HIVEP2: variants seen among roughly 807,000 people sequenced by gnomAD.
The protein encoded by HIVEP2 is HIVEP zinc finger 2, also known as transcription factor HIVEP2.
A neutral mutation model predicts 180.7 loss-of-function variants in HIVEP2; 14 were observed. The ratio of observed to expected loss-of-function variants is 0.08; its 90% CI spans 0.05 to 0.12. HIVEP2 has a LOEUF of 0.12. Ranked by LOEUF, HIVEP2 falls within the 10% of genes least tolerant of loss-of-function variation. The pLI is 1.00. For synonymous variants in HIVEP2, 1,184 were observed against 1,136.4 expected (o/e 1.04, Z -0.84); for missense variants, 2,579 against 3,008.5 (o/e 0.86, Z 3.34).
intron 1 of HIVEP2, among the ~76,000 whole-genome samples, chr6:142,864,863 C>T (rs561800505): frequency 2.0e-5 from 3 of 152,246 alleles, no homozygotes; most frequent in African/African-American, 7.2e-5. Context: ...TATAGCCAAC[C>T]AATTCCATTA....
chr6:142,916,078 T>A (rs1777542777), intron 1 of HIVEP2, among the ~76,000 whole-genome samples: 1 of 152,162 alleles, frequency 6.6e-6, no homozygotes, highest in South Asian at 2.1e-4. Flanking sequence ...TATCTATTTC[T>A]CCTCCTGGAA....
chr6:142,826,016 C>A (rs552821059), intron 2 of HIVEP2, among the ~76,000 whole-genome samples: 1 of 152,192 alleles, frequency 6.6e-6, no homozygotes, highest in South Asian at 2.1e-4. Context: ...TCTTCATCCA[C>A]TAGTTTGCTT....
intron 1 of HIVEP2, among the ~76,000 whole-genome samples, chr6:142,942,816 A>T (rs540931803): frequency 1.5e-3 from 235 of 152,322 alleles, no homozygotes; most frequent in African/African-American, 5.6e-3. Context: ...CATCTCTAAT[A>T]AAGTTAGCCA....
chr6:142,768,352 A>T, intron 6 of HIVEP2, 30 bp downstream of exon 6: 1 of 1,601,892 alleles, frequency 6.2e-7, no homozygotes, highest in Non-Finnish European at 8.5e-7. Context: ...CTATAACTGC[A>T]CATTTTACAT....
In HIVEP2 at chr6:142,759,883, T is replaced by C. The variant is rs950938706; in HGVS notation, c.6405A>G (p.Arg2135=). Residue 2135 remains arginine (R), a synonymous_variant, in exon 9 of 10, where the codon AGA becomes AGG. Transcript: ENST00000367603. ...GCGCTCTTATTGTGGTCATGTATCT[T>C]CTCTCTCTTCTAGGAGAGAGGTCTC... ...ARRDLSPRRE[R]RYMTTIRAPS... is the part of the protein sequence containing the mutation. 7 of 1,614,008 alleles carry C rather than the reference T, an allele frequency of 4.3e-6. No homozygotes were observed. The Admixed American group carries it at 1.2e-4, about 27-fold the overall frequency.
chr6:142,891,945 C>T (rs1186056098), intron 1 of HIVEP2, among the ~76,000 whole-genome samples: 2 of 152,042 alleles, frequency 1.3e-5, no homozygotes, highest in Non-Finnish European at 2.9e-5. Context: ...TGTTTATGTC[C>T]CATTTATTCT....
chr6:142,840,829 C>T (rs1276359938), intron 1 of HIVEP2, among the ~76,000 whole-genome samples: 5 of 152,026 alleles, frequency 3.3e-5, no homozygotes, highest in African/African-American at 7.2e-5. Context: ...ATATTGATTT[C>T]AAGAGATTGA....
chr6:142,858,250 C>G (rs1322436597), intron 1 of HIVEP2, among the ~76,000 whole-genome samples: 1 of 152,126 alleles, frequency 6.6e-6, no homozygotes, highest in African/African-American at 2.4e-5. Context: ...GAAGGCAGTG[C>G]ACACTGTAGC....
intron 1 of HIVEP2, among the ~76,000 whole-genome samples, chr6:142,878,363 C>T (rs1287114633): frequency 6.6e-6 from 1 of 152,182 alleles, no homozygotes; most frequent in Non-Finnish European, 1.5e-5. Flanking sequence ...AAACGATTCA[C>T]AGCTAAATGG....
rs77663019 is a variant in HIVEP2, at chr6:142,899,692, A to G, written c.-641+45407T>C. 8.7e-3 allele frequency among the ~76,000 whole-genome samples: 1,332 copies of G among 152,342 alleles called. 10 individuals are homozygous for G. Among genetic ancestry groups the G allele is most frequent in the Non-Finnish European group, 0.015 (1,013 of 68,022 alleles). On this transcript the variant is annotated intron_variant, in intron 1 of 9. Transcript: ENST00000367603. ...TCTACGAGAGTGCAGCTCAAAGTGTAAGGCTGAAAACAACATTTAGCTGTT... is the reference window on the plus strand; with the variant it reads ...TCTACGAGAGTGCAGCTCAAAGTGTGAGGCTGAAAACAACATTTAGCTGTT...
chr6:142,781,380 C>T (rs966704450), intron 3 of HIVEP2, among the ~76,000 whole-genome samples: 5 of 152,102 alleles, frequency 3.3e-5, no homozygotes, highest in African/African-American at 4.8e-5. Context: ...AACAAAGGAG[C>T]GGAATTCCAA....
At chr6:142,863,048 AT>A (rs938271911) in intron 1 of HIVEP2, among the ~76,000 whole-genome samples, 3 of 142,414 alleles carry the variant, frequency 2.1e-5, no homozygotes, top group Admixed American at 7.3e-5. Context: ...TACATAATAT[AT>A]TATATATTAT....
At chr6:142,935,656 T>G (rs1018254891) in intron 1 of HIVEP2, among the ~76,000 whole-genome samples, 1 of 152,162 alleles carries the variant, frequency 6.6e-6, no homozygotes, top group South Asian at 2.1e-4. Flanking sequence ...CTGGTTCTCA[T>G]GGCCCCCATC....
rs1417760121 is a variant in HIVEP2 at position 142,783,577 on chromosome 6, A to T, written c.-489T>A. ...AACCGTCTTTGATTTCCAAGATGCCAACTCTCCTCACAGGAACTCATGCAC... is the reference window on the plus strand; with the variant it reads ...AACCGTCTTTGATTTCCAAGATGCCTACTCTCCTCACAGGAACTCATGCAC... On this transcript the variant is annotated 5_prime_UTR_variant, in exon 3 of 10. Transcript: ENST00000367603. 1.2e-4 allele frequency: 18 copies of T among 152,178 alleles called. No individual in the cohort carries two copies. 9.4% of individuals were successfully genotyped at this position (152,178 alleles called of 1,614,324 possible). A position where few individuals can be genotyped will look rare whatever the true frequency, so the allele number is the denominator to read the frequency against.
intron 2 of HIVEP2, among the ~76,000 whole-genome samples, chr6:142,788,725 CAACA>C (rs113577368): frequency 0.52 from 78,131 of 151,122 alleles, 21,191 homozygotes; most frequent in Non-Finnish European, 0.6. Context: ...AAAACAACAA[CAACA>C]AACAAACAAA....
chr6:142,831,128 G>T (rs1056186109), intron 2 of HIVEP2, among the ~76,000 whole-genome samples: 3 of 152,204 alleles, frequency 2.0e-5, no homozygotes, highest in African/African-American at 7.2e-5. Context: ...ACCGTGGAAG[G>T]GTCGAGGGTC....
At chr6:142,824,646 A>T (rs561435641) in intron 2 of HIVEP2, among the ~76,000 whole-genome samples, 3 of 152,218 alleles carry the variant, frequency 2.0e-5, no homozygotes, top group Non-Finnish European at 4.4e-5. Flanking sequence ...CTTCTTCAGA[A>T]TCTCACAAAG....
chr6:142,789,170 G>A (rs1582860935), intron 2 of HIVEP2, among the ~76,000 whole-genome samples: 1 of 150,918 alleles, frequency 6.6e-6, no homozygotes, highest in South Asian at 2.1e-4. Context: ...ACATCTGGTG[G>A]TAATTTATTT....
At chr6:142,857,965 G>A (rs1486282424) in intron 1 of HIVEP2, among the ~76,000 whole-genome samples, 1 of 152,144 alleles carries the variant, frequency 6.6e-6, no homozygotes, top group Non-Finnish European at 1.5e-5. Flanking sequence ...CCCACCATTG[G>A]CTTCCTGATG....
Sources: gnomAD v4.1 joint callset for allele counts (sites outside exome capture counted in the v4.1 genomes callset) on GRCh38, gnomAD v4.1.1 for gene constraint, MANE v1.5 for transcripts, NCBI Gene and HGNC (gene_info 2026-07-23, HGNC 2026-07-21) for gene names.